TBC1D22A: variants seen among roughly 807,000 people sequenced by gnomAD.
The protein encoded by TBC1D22A is putative GTPase activator.
Under a neutral mutation model 60.2 loss-of-function variants are expected in TBC1D22A, and 38 were observed. The observed-to-expected ratio is 0.63, with a 90% CI of 0.49 to 0.83. TBC1D22A has a LOEUF of 0.83. TBC1D22A is among the 40% of genes least tolerant of loss of function. The pLI, the probability that TBC1D22A is intolerant of heterozygous loss-of-function variation, is 0.00. For missense variants in TBC1D22A, 628 were observed against 701.0 expected (o/e 0.90, Z 1.18); for synonymous variants, 302 against 281.7 (o/e 1.07, Z -0.72).
rs1008076322 is a variant in TBC1D22A, at chr22:46,863,870, C to T, written c.638-14783C>T. Among the ~76,000 whole-genome samples the T allele has an allele frequency of 6.6e-5, 10 of 152,278 alleles. 1 individual carries two copies. The highest frequency in any genetic ancestry group is 4.1e-4 in the South Asian group (2 of 4,820). ...TGCCTCCCTCCATTCTCCTGTCTGC[C>T]GGCCTCATGGACATCTCTTATGTCC... is the stretch of plus-strand genomic sequence containing the variant. On this transcript the variant is annotated intron_variant, in intron 4 of 12. Transcript: ENST00000337137.
chr22:47,078,321 A>G (rs1333253097), intron 11 of TBC1D22A, among the ~76,000 whole-genome samples: 2 of 152,144 alleles, frequency 1.3e-5, no homozygotes, highest in Non-Finnish European at 2.9e-5. Flanking sequence ...GTATGTTTCA[A>G]TCTATACTGT....
At chr22:47,007,146 G>T (rs1480406877) in intron 10 of TBC1D22A, among the ~76,000 whole-genome samples, 2 of 152,154 alleles carry the variant, frequency 1.3e-5, no homozygotes, top group Non-Finnish European at 1.5e-5. Flanking sequence ...CTGTCACATT[G>T]ACCTCGACCC....
intron 4 of TBC1D22A, among the ~76,000 whole-genome samples, chr22:46,811,919 C>T (rs953221312): frequency 1.3e-5 from 2 of 152,086 alleles, no homozygotes; most frequent in African/African-American, 4.8e-5. Context: ...GTGCTCAGAT[C>T]CTGCCTCTGC....
chr22:47,024,958 C>T (rs2062208395), intron 10 of TBC1D22A, among the ~76,000 whole-genome samples: 1 of 152,094 alleles, frequency 6.6e-6, no homozygotes, highest in African/African-American at 2.4e-5. Flanking sequence ...CTAAAGAAAA[C>T]GGTAATGTCT....
At position 46,871,709 on chromosome 22, in the gene TBC1D22A, A is replaced by G. The variant is rs151144774; in HGVS notation, c.638-6944A>G. ...AAACAGTGCCTGGAGGAAACTTTAT[A>G]CTTTTAAATGCCTGTATGAGAAAAG... On this transcript the variant is annotated intron_variant, in intron 4 of 12. Transcript: ENST00000337137. 2.9e-3 allele frequency among the ~76,000 whole-genome samples: 444 copies of G among 152,338 alleles called. 2 individuals carry two copies. Among genetic ancestry groups the G allele is most frequent in the Non-Finnish European group, 5.5e-3 (374 of 68,030 alleles).
At chr22:46,787,387 C>T (rs533426531) in intron 1 of TBC1D22A, among the ~76,000 whole-genome samples, 6 of 152,282 alleles carry the variant, frequency 3.9e-5, no homozygotes, top group Admixed American at 1.3e-4. Context: ...CTCTTTCTGT[C>T]GAGTGGCCCG....
At chr22:46,951,548 C>A (rs373675024) in intron 8 of TBC1D22A, among the ~76,000 whole-genome samples, 3 of 152,198 alleles carry the variant, frequency 2.0e-5, no homozygotes, top group African/African-American at 7.2e-5. Context: ...CTGTATTTCA[C>A]GCCAGTTAGG....
intron 11 of TBC1D22A, among the ~76,000 whole-genome samples, chr22:47,074,062 C>T (rs138865912): frequency 3.5e-4 from 53 of 152,286 alleles, no homozygotes; most frequent in African/African-American, 1.2e-3. Flanking sequence ...GAGCTATGAT[C>T]GCACCACTGT....
chr22:46,951,367 C>T (rs1478887657), intron 8 of TBC1D22A, among the ~76,000 whole-genome samples: 3 of 152,106 alleles, frequency 2.0e-5, no homozygotes, highest in African/African-American at 4.8e-5. Context: ...TTTCTGAGGC[C>T]GGGCAGCAGT....
chr22:46,927,981 T>G (rs941017680), intron 8 of TBC1D22A, among the ~76,000 whole-genome samples: 2 of 152,182 alleles, frequency 1.3e-5, no homozygotes, highest in African/African-American at 4.8e-5. Flanking sequence ...CTTAATATTG[T>G]TAAGGTGGCA....
At chr22:46,980,560 A>G (rs2074474955) in intron 9 of TBC1D22A, among the ~76,000 whole-genome samples, 1 of 152,274 alleles carries the variant, frequency 6.6e-6, no homozygotes, top group South Asian at 2.1e-4. Context: ...AAAACTCATT[A>G]GACAAAAGAG....
At chr22:46,875,445 G>A (rs1467822923) in intron 4 of TBC1D22A, among the ~76,000 whole-genome samples, 2 of 152,018 alleles carry the variant, frequency 1.3e-5, no homozygotes, top group East Asian at 3.9e-4. Context: ...TCTGAGGGCA[G>A]CAATACTTTT....
intron 10 of TBC1D22A, among the ~76,000 whole-genome samples, chr22:47,023,394 T>G (rs2062151806): frequency 6.6e-6 from 1 of 152,194 alleles, no homozygotes; most frequent in East Asian, 1.9e-4. Flanking sequence ...ACCTGTAATC[T>G]GTGGTCCCCT....
Position 46,817,827 on chromosome 22 carries a change from C to T in TBC1D22A, c.637+20207C>T, listed in dbSNP as rs567541432. ...TTCTGGTTCTAGATCCTTGGAAAAT[C>T]GCCATACCGTCTTCCACAGTGGTTG... On this transcript the variant is annotated intron_variant, in intron 4 of 12. Coordinates refer to ENST00000337137, the MANE Select transcript of TBC1D22A (RefSeq NM_014346.5). Among the ~76,000 whole-genome samples, 10 of 152,292 alleles carry T rather than the reference C, an allele frequency of 6.6e-5. No individual in the cohort carries two copies. In the South Asian group the frequency reaches 8.3e-4, roughly 13 times the overall value.
At chr22:47,156,873 A>C (rs1296714872) in intron 12 of TBC1D22A, among the ~76,000 whole-genome samples, 2 of 152,084 alleles carry the variant, frequency 1.3e-5, no homozygotes, top group Non-Finnish European at 1.5e-5. Flanking sequence ...TGCTGCACCC[A>C]TTTGCCGTCT....
At chr22:46,763,296 C>G (rs923566170) in intron 1 of TBC1D22A, 1 of 157,952 alleles carries the variant, frequency 6.3e-6, no homozygotes, top group Non-Finnish European at 1.4e-5. Flanking sequence ...GGCTGCGGCT[C>G]TTGCCTTGAG....
chr22:47,034,281 A>T (rs1379310591), intron 10 of TBC1D22A, among the ~76,000 whole-genome samples: 1 of 151,766 alleles, frequency 6.6e-6, no homozygotes, highest in East Asian at 1.9e-4. Flanking sequence ...AGCCACTGGG[A>T]CCTGTCCTTC....
intron 12 of TBC1D22A, among the ~76,000 whole-genome samples, chr22:47,132,068 C>T (rs936918181): frequency 2.6e-5 from 4 of 152,202 alleles, no homozygotes; most frequent in South Asian, 2.1e-4. Context: ...GCACCTCCCT[C>T]GGTTTCTGCA....
At chr22:47,067,082 A>G (rs2063799551) in intron 11 of TBC1D22A, among the ~76,000 whole-genome samples, 1 of 152,214 alleles carries the variant, frequency 6.6e-6, no homozygotes, top group East Asian at 1.9e-4. Flanking sequence ...CCTGGCCAAC[A>G]TGGTAAAACC....
Sources: allele counts gnomAD v4.1 joint callset (sites outside exome capture counted in the v4.1 genomes callset), GRCh38; gene constraint gnomAD v4.1.1; transcripts MANE v1.5; gene names NCBI Gene and HGNC (gene_info 2026-07-23, HGNC 2026-07-21).